The following TTN variants were observed in gnomAD, a reference collection of about 807,000 sequenced individuals.
TTN encodes titin.
TTN carries 1,525 observed loss-of-function variants against 3,223.0 expected under a neutral mutation model. That is an observed-to-expected ratio of 0.47 (90% CI 0.45 to 0.49). The LOEUF is 0.49. Ranked by LOEUF, TTN falls within the 20% of genes least tolerant of loss-of-function variation. TTN has a pLI of 0.00. For missense variants in TTN, 40,786 were observed against 43,424.0 expected (o/e 0.94, Z 5.40); for synonymous variants, 14,094 against 15,161.0 (o/e 0.93, Z 5.17).
chr2:178,621,007 A>C lies in TTN; in HGVS notation c.45617-14T>G. ...TCCTGAGTTTTTCTGAAAGCAACCG[A>C]CAAGACTTTATAGTATGAATAATGA... On this transcript the variant is annotated splice_polypyrimidine_tract_variant and intron_variant, in intron 246 of 362. Coordinates refer to ENST00000589042, the MANE Select transcript of TTN (RefSeq NM_001267550.2). 1.2e-6 allele frequency: 2 copies of C among 1,608,144 alleles called. No individual in the cohort carries two copies. Among genetic ancestry groups the C allele is most frequent in the Non-Finnish European group, 1.7e-6 (2 of 1,178,144 alleles).
intron 91 of TTN, 23 bp downstream of exon 91, chr2:178,714,269 G>C: frequency 6.2e-7 from 1 of 1,605,440 alleles, no homozygotes; most frequent in Non-Finnish European, 8.5e-7. Flanking sequence ...TTGTATCTGT[G>C]ATAACATCAT....
chr2:178,722,595 G>A lies in TTN; in HGVS notation c.22241-49C>T, dbSNP rs776458461. The stretch of plus-strand genomic sequence containing the variant: ...AAGGTGTTAGGAGATGAAATGAGAA[G>A]TTCACCATAAAGATACAAGAGTTAA... On this transcript the variant is annotated intron_variant, in intron 76 of 362. Transcript: ENST00000589042. 17 of 1,590,300 alleles carry A rather than the reference G, an allele frequency of 1.1e-5. No homozygotes were observed. The East Asian group carries it at 3.4e-4, about 31-fold the overall frequency.
chr2:178,529,146 A>G lies in TTN; in HGVS notation c.106605T>C (p.Val35535=), dbSNP rs1320026369. 1.9e-6 allele frequency: 3 copies of G among 1,581,984 alleles called. No individual in the cohort carries two copies. The highest frequency in any genetic ancestry group is 2.6e-6 in the Non-Finnish European group (3 of 1,166,832). The change falls in exon 360 of 363, where the codon GTT becomes GTC. Residue 35535 remains valine (V), a synonymous_variant. Coordinates refer to ENST00000589042, the MANE Select transcript of TTN (RefSeq NM_001267550.2). Reference sequence around the variant, plus strand: ...CTTTTTGGGAAATTTCCTCTTGGACAACAGCTTTCTTCTGAGGTGTAATTT... The same window carrying G: ...CTTTTTGGGAAATTTCCTCTTGGACGACAGCTTTCTTCTGAGGTGTAATTT... ...TSEITPQKKA[V]VQEEISQKAL... is the part of the protein sequence containing the mutation.
At position 178,740,173 on chromosome 2, in the gene TTN, C is replaced by A. The variant is rs1177478241; in HGVS notation, c.13060G>T (p.Asp4354Tyr). Residue 4354 changes from aspartate (D) to tyrosine (Y), a missense_variant, in exon 48 of 363, where the codon GAC becomes TAC. Physicochemically the swap from Asp to Tyr is radical, Grantham distance 160. Coordinates refer to ENST00000589042, the MANE Select transcript of TTN (RefSeq NM_001267550.2). ...EHSDNVVMPP[D>Y]QIIESKREPV... ...TCTCTTTTAGACTCAATGATTTGGTCTGGGGGCATCACCACGTTGTCAGAA... is the reference window on the plus strand; with the variant it reads ...TCTCTTTTAGACTCAATGATTTGGTATGGGGGCATCACCACGTTGTCAGAA... The A allele has an allele frequency of 6.2e-7, 1 of 1,613,632 alleles. No homozygotes were observed. The highest frequency in any genetic ancestry group is 2.2e-5 in the East Asian group (1 of 44,856).
Position 178,714,350 on chromosome 2 carries a change from A to G in TTN, c.26424T>C (p.Thr8808=). 2 of 1,613,734 alleles carry G rather than the reference A, an allele frequency of 1.2e-6. No homozygotes were observed. Among genetic ancestry groups the G allele is most frequent in the East Asian group, 2.2e-5 (1 of 44,862 alleles). ...RVEPANAGKY[T]CQIKNDAGMQ... Reference sequence around the variant, plus strand: ...TCCCAGCATCGTTTTTGATCTGACAAGTGTATTTTCCAGCATTGGCTGGTT... The same window carrying G: ...TCCCAGCATCGTTTTTGATCTGACAGGTGTATTTTCCAGCATTGGCTGGTT... The change falls in exon 91 of 363, where the codon ACT becomes ACC. Residue 8808 remains threonine, a synonymous_variant. Coordinates refer to ENST00000589042, the MANE Select transcript of TTN (RefSeq NM_001267550.2).
rs1391955404 is a variant in TTN at position 178,779,345 on chromosome 2, T to C, written c.3847A>G (p.Ile1283Val). 31 of 1,612,682 alleles carry C rather than the reference T, an allele frequency of 1.9e-5. No individual in the cohort carries two copies. The highest frequency in any genetic ancestry group is 8.9e-5 in the East Asian group (4 of 44,780). The change falls in exon 23 of 363, where the codon ATT (isoleucine) becomes GTT (valine). Residue 1283 changes from isoleucine to valine, a missense_variant. Physicochemically the swap from Ile to Val is conservative, Grantham distance 29. Coordinates refer to ENST00000589042, the MANE Select transcript of TTN (RefSeq NM_001267550.2). Reference sequence around the variant, plus strand: ...GATTCAACAGCTTCAGATTCAGAAATGTCAACTGCCATCTTTTCTTCTCCA... The same window carrying C: ...GATTCAACAGCTTCAGATTCAGAAACGTCAACTGCCATCTTTTCTTCTCCA... ...EDGEEKMAVDISESEAVESGF... is the reference protein window; with the variant it reads ...EDGEEKMAVDVSESEAVESGF...
In TTN at chr2:178,569,452, A is replaced by G; in HGVS notation, c.76680T>C (p.Thr25560=). ...CAAGAACAAGAGAGGTGAAACTGCT[A>G]GTGACATCAATTATAGCTGCATCTC... ...EIRDAAIIDV[T]SSFTSLVLDN... The change falls in exon 326 of 363, where the codon ACT becomes ACC. Residue 25560 remains threonine, a synonymous_variant. Transcript: ENST00000589042. The G allele has an allele frequency of 6.2e-7, 1 of 1,613,146 alleles. No individual in the cohort carries two copies. Among genetic ancestry groups the G allele is most frequent in the East Asian group, 2.2e-5 (1 of 44,730 alleles).
In TTN at chr2:178,739,313, C is replaced by T; in HGVS notation, c.13920G>A (p.Glu4640=). Residue 4640 remains glutamate (E), a synonymous_variant, in exon 48 of 363, where the codon GAG becomes GAA. Coordinates refer to ENST00000589042, the MANE Select transcript of TTN (RefSeq NM_001267550.2). ...TNAKEVNWYF[E]NKLVPSDEKF... ...TTTCATCTGAAGGCACCAGTTTATT[C>T]TCAAAATACCAATTCACCTCTTTAG... The T allele has an allele frequency of 1.2e-6, 2 of 1,613,566 alleles. No individual in the cohort carries two copies. The highest frequency in any genetic ancestry group is 2.2e-5 in the South Asian group (2 of 91,058).
chr2:178,636,445 C>T lies in TTN; in HGVS notation c.41282G>A (p.Arg13761His), dbSNP rs781139091. 2.8e-5 allele frequency: 45 copies of T among 1,612,154 alleles called. No homozygotes were observed. The highest frequency in any genetic ancestry group is 2.1e-4 in the South Asian group (19 of 90,830). The part of the protein sequence containing the change: ...SDAGEYTCVL[R>H]LGNKEKTSTA... ...GGAGGTCTTTTCTTTGTTTCCCAAA[C>T]GTAAAACACAGGTGTATTCACCAGC... is the stretch of plus-strand genomic sequence containing the variant. Residue 13761 changes from arginine (R) to histidine (H), a missense_variant, in exon 225 of 363, where the codon CGT (arginine) becomes CAT (histidine). Coordinates refer to ENST00000589042, the MANE Select transcript of TTN (RefSeq NM_001267550.2). This position sits in a 1 kb window ranked among gnomAD's most constrained non-coding sequence, Gnocchi z 4.3.
At chr2:178,614,399 T>C in intron 261 of TTN, 51 bp from the exon 262 acceptor site, 2 of 1,578,694 alleles carry the variant, frequency 1.3e-6, no homozygotes, top group East Asian at 2.3e-5. Flanking sequence ...CCATTTTTTT[T>C]ATTTTTTTCT....
chr2:178,622,043 G>A, intron 243 of TTN, 35 bp from the exon 244 acceptor site: 1 of 1,557,224 alleles, frequency 6.4e-7, no homozygotes, highest in Non-Finnish European at 8.7e-7. Flanking sequence ...CAGTTTTCTT[G>A]TTGTTCCTTC....
chr2:178,732,330 C>T lies in TTN; in HGVS notation c.16639G>A (p.Glu5547Lys), dbSNP rs766334270. 6.2e-7 allele frequency: 1 copy of T among 1,602,024 alleles called. No individual in the cohort carries two copies. Among genetic ancestry groups the T allele is most frequent in the South Asian group, 1.1e-5 (1 of 89,258 alleles). Residue 5547 changes from glutamate (E) to lysine (K), a missense_variant, in exon 57 of 363, where the codon GAA (glutamate) becomes AAA (lysine). Glu to Lys is a moderately conservative substitution (Grantham distance 56). Coordinates refer to ENST00000589042, the MANE Select transcript of TTN (RefSeq NM_001267550.2). ...LFVKEPATFV[E>K]KLEPSQLLKK... ...AACAGCTGTGATGGCTCTAACTTTT[C>T]AACAAATGTGGCAGGTTCTGTGGAA...
Position 178,715,616 on chromosome 2 carries a change from A to G in TTN, c.25798T>C (p.Phe8600Leu). The change falls in exon 89 of 363, where the codon TTC (phenylalanine) becomes CTC (leucine). Residue 8600 changes from phenylalanine (F) to leucine (L), a missense_variant. Transcript: ENST00000589042. Reference protein sequence around the residue: ...IQESSKFRMSFVDSVAVLEMH... With the variant: ...IQESSKFRMSLVDSVAVLEMH... ...TCCAGCACAGCCACCGAGTCAACGAATGACATTCTGAATTTACTGCTCTCT... is the reference window on the plus strand; with the variant it reads ...TCCAGCACAGCCACCGAGTCAACGAGTGACATTCTGAATTTACTGCTCTCT... 1 of 1,613,578 alleles carries G rather than the reference A, an allele frequency of 6.2e-7. No homozygotes were observed. The highest frequency in any genetic ancestry group is 1.1e-5 in the South Asian group (1 of 91,048).
chr2:178,571,020 T>C lies in TTN; in HGVS notation c.75112A>G (p.Ile25038Val). 2 of 1,612,764 alleles carry C rather than the reference T, an allele frequency of 1.2e-6. No individual in the cohort carries two copies. Among genetic ancestry groups the C allele is most frequent in the South Asian group, 2.2e-5 (2 of 91,050 alleles). ...TTCTTCTCAACAATATAACCAGTGA[T>C]CTTGCTTCCACCGTCATAGGTGGGT... is the stretch of plus-strand genomic sequence containing the variant. ...KKPTYDGGSKITGYIVEKKEL... is the reference protein window; with the variant it reads ...KKPTYDGGSKVTGYIVEKKEL... The change falls in exon 326 of 363, where the codon ATC becomes GTC. Residue 25038 changes from isoleucine to valine, a missense_variant. Physicochemically the swap from Ile to Val is conservative, Grantham distance 29 (BLOSUM62 3). Coordinates refer to ENST00000589042, the MANE Select transcript of TTN (RefSeq NM_001267550.2).
At chr2:178,726,376 T>C (rs557318191) in intron 69 of TTN, 114 of 190,254 alleles carry the variant, frequency 6.0e-4, no homozygotes, top group African/African-American at 2.5e-3. Flanking sequence ...ATGATTTGCA[T>C]GAAGTATGGA....
Position 178,557,071 on chromosome 2 carries a change from G to A in TTN, c.88083C>T (p.Phe29361=), listed in dbSNP as rs746746013. 8.7e-6 allele frequency: 14 copies of A among 1,613,544 alleles called. No individual in the cohort carries two copies. The highest frequency in any genetic ancestry group is 7.7e-5 in the South Asian group (7 of 91,052). ...SVSLSWQQPA[F]DGGSKITGYI... Reference sequence around the variant, plus strand: ...AGCCTGTAATCTTGCTACCTCCATCGAAAGCTGGTTGTTGCCATGAAAGGC... The same window carrying A: ...AGCCTGTAATCTTGCTACCTCCATCAAAAGCTGGTTGTTGCCATGAAAGGC... The change falls in exon 330 of 363, where the codon TTC becomes TTT. Residue 29361 remains phenylalanine (F), a synonymous_variant. Transcript: ENST00000589042.
chr2:178,739,870 C>T lies in TTN; in HGVS notation c.13363G>A (p.Val4455Ile). ...VTSAKSVTEE[V>I]TIIIEDVDPQ... ...TCAACATCTTCAATAATGATGGTTACTTCTTCTGTTACAGACTTTGCCGAA... is the reference window on the plus strand; with the variant it reads ...TCAACATCTTCAATAATGATGGTTATTTCTTCTGTTACAGACTTTGCCGAA... Residue 4455 changes from valine to isoleucine, a missense_variant, in exon 48 of 363, where the codon GTA becomes ATA. By Grantham distance (29) the Val-to-Ile change is conservative. Coordinates refer to ENST00000589042, the MANE Select transcript of TTN (RefSeq NM_001267550.2). 6.2e-7 allele frequency: 1 copy of T among 1,613,860 alleles called. No homozygotes were observed.
chr2:178,542,784 G>C lies in TTN; in HGVS notation c.97070C>G (p.Thr32357Ser), dbSNP rs375538626. ...GGTTAATTTAGCTACTTTAGTGTGA[G>C]TTTCAACTGTGACACGCTCTGATTC... Reference protein sequence around the residue: ...LRESERVTVETHTKVAKLTIR... With the variant: ...LRESERVTVESHTKVAKLTIR... The change falls in exon 348 of 363, where the codon ACT (threonine) becomes AGT (serine). Residue 32357 changes from threonine to serine, a missense_variant. Thr to Ser is a moderately conservative substitution (Grantham distance 58, BLOSUM62 1). Coordinates refer to ENST00000589042, the MANE Select transcript of TTN (RefSeq NM_001267550.2). 10 of 1,613,668 alleles carry C rather than the reference G, an allele frequency of 6.2e-6. No individual in the cohort carries two copies. Among genetic ancestry groups the C allele is most frequent in the Non-Finnish European group, 8.5e-6 (10 of 1,179,788 alleles).
Position 178,598,883 on chromosome 2 carries a change from T to C in TTN, c.56827A>G (p.Thr18943Ala). ...RVNRDPIKAM[T>A]LGVSYKVTGL... ...GTCACTTTATAAGAAACACCCAAAG[T>C]CATGGCTTTGATAGGATCTCGGTTA... is the stretch of plus-strand genomic sequence containing the variant. The change falls in exon 291 of 363, where the codon ACT becomes GCT. Residue 18943 changes from threonine (T) to alanine (A), a missense_variant. Physicochemically the swap from Thr to Ala is moderately conservative, Grantham distance 58. Coordinates refer to ENST00000589042, the MANE Select transcript of TTN (RefSeq NM_001267550.2). 1 of 1,613,188 alleles carries C rather than the reference T, an allele frequency of 6.2e-7. No homozygotes were observed. The highest frequency in any genetic ancestry group is 8.5e-7 in the Non-Finnish European group (1 of 1,179,502).
Sources: allele counts gnomAD v4.1 joint callset, GRCh38; gene constraint gnomAD v4.1.1; non-coding constraint Gnocchi (gnomAD v3.1); transcripts MANE v1.5; gene names NCBI Gene and HGNC (gene_info 2026-07-23, HGNC 2026-07-21).